Variants in HIVEP1 observed in about 807,000 individuals in gnomAD.
HIVEP1 encodes the protein zinc finger protein 40.
In HIVEP1, 36 loss-of-function variants were observed where a neutral mutation model predicts 180.0. That is an observed-to-expected ratio of 0.20 (90% CI 0.15 to 0.26). The LOEUF (loss-of-function observed/expected upper bound fraction) is 0.26, where lower values mean the gene tolerates loss of function less well. Among genes scored for constraint, HIVEP1 ranks in the 10% least tolerant of loss-of-function variants. The probability of loss-of-function intolerance (pLI) is 1.00; values close to 1 mark genes in which losing one functional copy is unlikely to be tolerated. For missense variants in HIVEP1, 3,143 were observed against 3,268.7 expected, an observed-to-expected ratio of 0.96 and a Z score of 0.94; for synonymous variants, 1,239 against 1,239.0, an observed-to-expected ratio of 1.00 and a Z score of 0.00.
At chr6:12,034,612 G>A (rs751898831) in intron 2 of HIVEP1, among the ~76,000 whole-genome samples, 1 of 152,206 alleles carries the variant, frequency 6.6e-6, no homozygotes, top group Non-Finnish European at 1.5e-5. Context: ...GACTGGGAAA[G>A]GAGAACAGTG....
At chr6:12,146,787 A>G (rs1282756147) in intron 7 of HIVEP1, among the ~76,000 whole-genome samples, 1 of 149,490 alleles carries the variant, frequency 6.7e-6, no homozygotes, top group East Asian at 2.0e-4. Flanking sequence ...TTTTTTTTTT[A>G]TGTATCACTT....
intron 2 of HIVEP1, among the ~76,000 whole-genome samples, chr6:12,056,532 CT>C (rs1034499574): frequency 3.3e-5 from 5 of 151,950 alleles, no homozygotes; most frequent in Admixed American, 3.3e-4. Context: ...AATTCTTATT[CT>C]TATCGATTCA....
rs1303626649 is a variant in HIVEP1, at chr6:12,163,752, C to G, written c.7448C>G (p.Pro2483Arg). The G allele has an allele frequency of 2.7e-5, 43 of 1,614,042 alleles. No individual in the cohort carries two copies. The highest frequency in any genetic ancestry group is 3.6e-5 in the Non-Finnish European group (43 of 1,180,028). ...RVPGLQNLST[P>R]GLQSLPSLSM... ...CCAGGCCTTCAGAACCTAAGTACCC[C>G]AGGCTTGCAGTCACTCCCCTCGTTA... Residue 2483 changes from proline (P) to arginine (R), a missense_variant, in exon 9 of 9, where the codon CCA (proline) becomes CGA (arginine). Pro to Arg is a moderately radical substitution (Grantham distance 103). This residue lies in a region of HIVEP1 where 595 missense variants were observed against 602.2 expected (regional missense o/e 0.99). Transcript: ENST00000379388.
chr6:12,112,481 TTTG>T (rs771644698), intron 3 of HIVEP1, among the ~76,000 whole-genome samples: 22 of 152,164 alleles, frequency 1.4e-4, no homozygotes, highest in Non-Finnish European at 2.9e-5. Context: ...GGATGTATGG[TTTG>T]TTGTTTTCAT....
intron 2 of HIVEP1, among the ~76,000 whole-genome samples, chr6:12,022,497 A>G (rs1768305942): frequency 6.6e-6 from 1 of 152,146 alleles, no homozygotes. Flanking sequence ...TAGCTTATCC[A>G]TTTGGTACAT....
intron 2 of HIVEP1, among the ~76,000 whole-genome samples, chr6:12,022,114 C>G (rs1768263802): frequency 1.3e-5 from 2 of 152,112 alleles, no homozygotes; most frequent in African/African-American, 4.8e-5. Context: ...ATTGCCTGAA[C>G]AGATAAACCA....
At chr6:12,160,297 T>C (rs1204184198) in intron 7 of HIVEP1, among the ~76,000 whole-genome samples, 1 of 152,210 alleles carries the variant, frequency 6.6e-6, no homozygotes, top group Non-Finnish European at 1.5e-5. Context: ...TTTCACATGA[T>C]GTTAAGAGGC....
upstream of HIVEP1, among the ~76,000 whole-genome samples, chr6:12,009,849 A>G (rs1767186664): frequency 1.3e-5 from 2 of 152,248 alleles, no homozygotes; most frequent in African/African-American, 4.8e-5. Flanking sequence ...GTCAAAATTT[A>G]CCTATCGTAA....
intron 2 of HIVEP1, among the ~76,000 whole-genome samples, chr6:12,017,068 T>G (rs1276290724): frequency 2.0e-5 from 3 of 152,212 alleles, no homozygotes; most frequent in South Asian, 4.2e-4. Flanking sequence ...AAGGTGTTAT[T>G]TATTAGGCCA....
the HIVEP1 span, among the ~76,000 whole-genome samples, chr6:12,207,116 T>C: frequency 3.3e-5 from 5 of 152,224 alleles, no homozygotes; most frequent in Non-Finnish European, 7.3e-5. Flanking sequence ...AGTTTTTAAG[T>C]CAGACAAATC....
At position 12,124,490 on chromosome 6, in the gene HIVEP1, G is replaced by C; in HGVS notation, c.4695G>C (p.Gln1565His). 2 of 1,614,144 alleles carry C rather than the reference G, an allele frequency of 1.2e-6. No individual in the cohort carries two copies. The highest frequency in any genetic ancestry group is 1.7e-6 in the Non-Finnish European group (2 of 1,180,034). The change falls in exon 4 of 9, where the codon CAG (glutamine) becomes CAC (histidine). Residue 1565 changes from glutamine to histidine, a missense_variant. Transcript: ENST00000379388. ...CFAPKYQLHC[Q>H]VFTSGPSCSS... ...CTCCCAAATACCAATTGCATTGTCAGGTTTTCACTTCAGGCCCATCTTGCT... is the reference window on the plus strand; with the variant it reads ...CTCCCAAATACCAATTGCATTGTCACGTTTTCACTTCAGGCCCATCTTGCT...
Position 12,124,360 on chromosome 6 carries a change from C to T in HIVEP1, c.4565C>T (p.Pro1522Leu). Residue 1522 changes from proline (P) to leucine (L), a missense_variant, in exon 4 of 9, where the codon CCT becomes CTT. Coordinates refer to ENST00000379388, the MANE Select transcript of HIVEP1 (RefSeq NM_002114.4). ...TTGTTAAATCAAATCCATGCACCGC[C>T]TAGCCACCAGAGCACACAGCTATCT... ...INLLNQIHAPPSHQSTQLSLQ... is the reference protein window; with the variant it reads ...INLLNQIHAPLSHQSTQLSLQ... 1 of 1,614,096 alleles carries T rather than the reference C, an allele frequency of 6.2e-7. No individual in the cohort carries two copies. The highest frequency in any genetic ancestry group is 8.5e-7 in the Non-Finnish European group (1 of 1,179,994).
intron 2 of HIVEP1, among the ~76,000 whole-genome samples, chr6:12,030,514 A>C (rs921917659): frequency 4.6e-5 from 7 of 152,092 alleles, no homozygotes; most frequent in Non-Finnish European, 1.0e-4. Context: ...CTATCTTCAA[A>C]TATATGGATT....
At chr6:12,014,004 C>T (rs916803939) in intron 1 of HIVEP1, among the ~76,000 whole-genome samples, 10 of 152,164 alleles carry the variant, frequency 6.6e-5, no homozygotes, top group South Asian at 2.1e-4. Flanking sequence ...AGACACATTC[C>T]TTCCCATATA....
Position 12,065,174 on chromosome 6 carries a change from G to A in HIVEP1, c.41-24010G>A, listed in dbSNP as rs927943250. ...AACTGTTACTTTCCTGGAATCATTA[G>A]TAGGTGTTTCTGAGAGTTGGAGTTA... On this transcript the variant is annotated intron_variant, in intron 2 of 8. Transcript: ENST00000379388. 4.6e-5 allele frequency among the ~76,000 whole-genome samples: 7 copies of A among 152,346 alleles called. No individual in the cohort carries two copies. In the South Asian group the frequency reaches 1.4e-3, roughly 32 times the overall value.
chr6:12,123,728 T>A lies in HIVEP1; in HGVS notation c.3933T>A (p.Ser1311Arg). ...CCAGGAGTCTAAGTAGGGAGAGCAG[T>A]TTATCTCACACTTCAAGTTTCTCAG... is the stretch of plus-strand genomic sequence containing the variant. ...TLSRSLSRESSLSHTSSFSAS... is the reference protein window; with the variant it reads ...TLSRSLSRESRLSHTSSFSAS... The change falls in exon 4 of 9, where the codon AGT (serine) becomes AGA (arginine). Residue 1311 changes from serine to arginine, a missense_variant. Ser to Arg is a moderately radical substitution (Grantham distance 110, BLOSUM62 -1). Around this residue, in one of 12 missense-constraint regions of HIVEP1, gnomAD observed 1,357 missense variants for 1,260.5 expected, o/e 1.08. Coordinates refer to ENST00000379388, the MANE Select transcript of HIVEP1 (RefSeq NM_002114.4). 6.8e-6 allele frequency: 11 copies of A among 1,614,056 alleles called. No homozygotes were observed. The highest frequency in any genetic ancestry group is 9.3e-6 in the Non-Finnish European group (11 of 1,179,928).
At chr6:12,193,661 C>T in the HIVEP1 span, among the ~76,000 whole-genome samples, 9 of 152,130 alleles carry the variant, frequency 5.9e-5, no homozygotes, top group African/African-American at 1.4e-4. Context: ...TCAATTAATC[C>T]GCTATGTTTT....
chr6:12,079,844 G>T (rs778307711), intron 2 of HIVEP1, among the ~76,000 whole-genome samples: 3 of 152,098 alleles, frequency 2.0e-5, no homozygotes, highest in Non-Finnish European at 4.4e-5. Flanking sequence ...AATGCAAATT[G>T]TGCCTGGTGA....
In HIVEP1 at chr6:12,125,320, G is replaced by A; in HGVS notation, c.5525G>A (p.Gly1842Glu). The A allele has an allele frequency of 6.2e-7, 1 of 1,613,950 alleles. No homozygotes were observed. Among genetic ancestry groups the A allele is most frequent in the Non-Finnish European group, 8.5e-7 (1 of 1,179,958 alleles). ...TTACCAGCTGATAATTCATCAACAG[G>A]ATGCTCTAAATTTGTCGTTATAGAA... ...NVLPADNSST[G>E]CSKFVVIEPI... is the part of the protein sequence containing the mutation. The change falls in exon 4 of 9, where the codon GGA becomes GAA. Residue 1842 changes from glycine to glutamate, a missense_variant. Transcript: ENST00000379388.
Sources: allele counts gnomAD v4.1 joint callset (sites outside exome capture counted in the v4.1 genomes callset), GRCh38; gene constraint gnomAD v4.1.1; regional missense constraint gnomAD v4.1.1; transcripts MANE v1.5; gene names NCBI Gene and HGNC (gene_info 2026-07-23, HGNC 2026-07-21).